The following PODXL2 variants were observed in gnomAD, a reference collection of about 807,000 sequenced individuals.
PODXL2 encodes the protein podocalyxin like 2.
In PODXL2, 17 loss-of-function variants were observed where a neutral mutation model predicts 53.4. The ratio of observed to expected loss-of-function variants is 0.32; its 90% CI spans 0.22 to 0.48. PODXL2 has a LOEUF of 0.48. Among genes scored for constraint, PODXL2 ranks in the 20% least tolerant of loss-of-function variants. The pLI, the probability that PODXL2 is intolerant of heterozygous loss-of-function variation, is 0.99. For missense variants in PODXL2, 673 were observed against 760.0 expected (o/e 0.89, Z 1.35); for synonymous variants, 311 against 306.7 (o/e 1.01, Z -0.15).
rs2040276166 is a variant in PODXL2, at chr3:127,660,429, G to T, written c.401G>T (p.Ser134Ile). ...AAGGCAGGTTCCATTGAAGACACCA[G>T]CCAGGCTCAAGAGCTGCCAAACCTC... Reference protein sequence around the residue: ...TEKAGSIEDTSQAQELPNLPS... With the variant: ...TEKAGSIEDTIQAQELPNLPS... Residue 134 changes from serine (S) to isoleucine (I), a missense_variant, in exon 3 of 8, where the codon AGC becomes ATC. Around this residue, in one of 3 missense-constraint regions of PODXL2, gnomAD observed 588 missense variants for 668.3 expected, o/e 0.88. Coordinates refer to ENST00000342480, the MANE Select transcript of PODXL2 (RefSeq NM_015720.4). 1 of 1,614,084 alleles carries T rather than the reference G, an allele frequency of 6.2e-7. No individual in the cohort carries two copies. Among genetic ancestry groups the T allele is most frequent in the Non-Finnish European group, 8.5e-7 (1 of 1,179,944 alleles).
chr3:127,660,707 G>C lies in PODXL2; in HGVS notation c.679G>C (p.Asp227His), dbSNP rs1224256504. ...ATKSRHEDSG[D>H]QASSGVEVES... ...CAAAAGCAGGCATGAAGACTCCGGG[G>C]ACCAGGCCTCATCAGGTGTGGAGGT... Residue 227 changes from aspartate (D) to histidine (H), a missense_variant, in exon 3 of 8, where the codon GAC becomes CAC. Coordinates refer to ENST00000342480, the MANE Select transcript of PODXL2 (RefSeq NM_015720.4). 7 of 1,614,186 alleles carry C rather than the reference G, an allele frequency of 4.3e-6. No individual in the cohort carries two copies. The highest frequency in any genetic ancestry group is 5.9e-6 in the Non-Finnish European group (7 of 1,180,030).
chr3:127,658,388 T>C (rs116350048), intron 2 of PODXL2, among the ~76,000 whole-genome samples: 1,573 of 151,702 alleles, frequency 0.01, 36 homozygotes, highest in African/African-American at 0.032. Context: ...TCCTCTCATG[T>C]TTCTTGATTT....
At chr3:127,665,411 C>G (rs1444548369) in intron 4 of PODXL2, among the ~76,000 whole-genome samples, 1 of 152,196 alleles carries the variant, frequency 6.6e-6, no homozygotes, top group Non-Finnish European at 1.5e-5. Flanking sequence ...TCCAGGAGTT[C>G]AGCCCTCAAG....
At chr3:127,633,949 A>G (rs1468040125) in intron 1 of PODXL2, among the ~76,000 whole-genome samples, 1 of 151,822 alleles carries the variant, frequency 6.6e-6, no homozygotes, top group South Asian at 2.1e-4. Flanking sequence ...AAGACCCAGA[A>G]GGCAAAAGAG....
chr3:127,669,850 T>C (rs749776279), intron 6 of PODXL2, among the ~76,000 whole-genome samples: 16 of 152,192 alleles, frequency 1.1e-4, no homozygotes, highest in Non-Finnish European at 2.1e-4. Context: ...GGTCCCCCAG[T>C]CCTGCTCCTC....
At chr3:127,672,135 CAGAAA>C (rs2074850171) in intron 7 of PODXL2, 128 bp from the exon 8 acceptor site, 1 of 654,320 alleles carries the variant, frequency 1.5e-6, no homozygotes, top group African/African-American at 1.8e-5. Flanking sequence ...GCTGCAGCAA[CAGAAA>C]AGAAGGATCT....
In PODXL2 at chr3:127,629,856, T is replaced by C. The variant is rs1188095313; in HGVS notation, c.70+567T>C. On this transcript the variant is annotated intron_variant, in intron 1 of 7. Coordinates refer to ENST00000342480, the MANE Select transcript of PODXL2 (RefSeq NM_015720.4). The surrounding 1 kb of genome is among the most constrained non-coding windows in gnomAD (Gnocchi z 6.4). The stretch of plus-strand genomic sequence containing the variant: ...TATTCTCTCCTGTTCTGGGCGACTC[T>C]ATTAGGAGCTGACAAAAACGGGCGT... Among the ~76,000 whole-genome samples, 1 of 152,030 alleles carries C rather than the reference T, an allele frequency of 6.6e-6. No individual in the cohort carries two copies. The highest frequency in any genetic ancestry group is 1.5e-5 in the Non-Finnish European group (1 of 68,014).
rs2074526755 is a variant in PODXL2, at chr3:127,629,386, G to C, written c.70+97G>C. ...GCCGCCAACAAAGGGGCCAGAGTGC[G>C]GCGCCGCCGGGAGCGCGCGTGTCCC... is the stretch of plus-strand genomic sequence containing the variant. On this transcript the variant is annotated intron_variant, in intron 1 of 7. Transcript: ENST00000342480. This position sits in a 1 kb window ranked among gnomAD's most constrained non-coding sequence, Gnocchi z 6.4. The C allele has an allele frequency of 2.2e-6, 2 of 920,814 alleles. No individual in the cohort carries two copies. The highest frequency in any genetic ancestry group is 1.8e-5 in the African/African-American group (1 of 55,724). The allele number at this position is 920,814 out of a possible 1,614,324, so 57.0% of individuals were successfully genotyped here.
chr3:127,629,314 C>G lies in PODXL2; in HGVS notation c.70+25C>G, dbSNP rs1364387794. 4 of 1,014,964 alleles carry G rather than the reference C, an allele frequency of 3.9e-6. No homozygotes were observed. In the African/African-American group the frequency reaches 7.0e-5, roughly 18 times the overall value. 62.9% of individuals were successfully genotyped at this position (1,014,964 alleles called of 1,614,324 possible). A position where few individuals can be genotyped will look rare whatever the true frequency, so the allele number is the denominator to read the frequency against. On this transcript the variant is annotated intron_variant, in intron 1 of 7. Coordinates refer to ENST00000342480, the MANE Select transcript of PODXL2 (RefSeq NM_015720.4). This position sits in a 1 kb window ranked among gnomAD's most constrained non-coding sequence, Gnocchi z 6.4. ...GGTGAGTGCGCTCCGGGCCCGAGCG[C>G]GGGAGGGCGGGCGGCGGCGTGGGCG...
intron 4 of PODXL2, among the ~76,000 whole-genome samples, chr3:127,665,493 G>A (rs2107544603): frequency 6.6e-6 from 1 of 152,240 alleles, no homozygotes; most frequent in Middle Eastern, 3.4e-3. Context: ...AGAAGAAACT[G>A]GAAAGAAGTC....
At chr3:127,636,589 C>G (rs2074579627) in intron 1 of PODXL2, among the ~76,000 whole-genome samples, 2 of 152,246 alleles carry the variant, frequency 1.3e-5, no homozygotes, top group Non-Finnish European at 2.9e-5. Context: ...GACACAGGCT[C>G]TGGGAACATG....
rs1303889558 is a variant in PODXL2, at chr3:127,668,534, A to G, written c.1300A>G (p.Ile434Val). Residue 434 changes from isoleucine to valine, a missense_variant, in exon 5 of 8, where the codon ATC becomes GTC. Around this residue, in one of 3 missense-constraint regions of PODXL2, gnomAD observed 588 missense variants for 668.3 expected, o/e 0.88. Transcript: ENST00000342480. The stretch of plus-strand genomic sequence containing the variant: ...CAGTGGCCACCATGGGGCCTGGCAC[A>G]TCTCTCTGAGCAAGCCCAGCGAGAA... The part of the protein sequence containing the change: ...HGSGHHGAWH[I>V]SLSKPSEKEQ... The G allele has an allele frequency of 1.3e-6, 2 of 1,581,428 alleles. No homozygotes were observed. Among genetic ancestry groups the G allele is most frequent in the African/African-American group, 2.7e-5 (2 of 74,426 alleles).
intron 1 of PODXL2, among the ~76,000 whole-genome samples, chr3:127,635,253 A>G (rs1295117281): frequency 6.6e-6 from 1 of 152,228 alleles, no homozygotes; most frequent in Non-Finnish European, 1.5e-5. Flanking sequence ...TCCCTGCCCT[A>G]CTAACCCTGT....
chr3:127,633,430 C>T (rs1229905345), intron 1 of PODXL2, among the ~76,000 whole-genome samples: 1 of 151,586 alleles, frequency 6.6e-6, no homozygotes, highest in Non-Finnish European at 1.5e-5. Flanking sequence ...CACTAGGCCT[C>T]AGTTATTTCA....
chr3:127,669,038 A>G, intron 5 of PODXL2, 103 bp from the exon 6 acceptor site: 1 of 685,836 alleles, frequency 1.5e-6, no homozygotes, highest in Non-Finnish European at 2.5e-6. Context: ...CCAGGAAGGG[A>G]GACAGAGGCT....
intron 1 of PODXL2, among the ~76,000 whole-genome samples, chr3:127,631,373 A>G (rs1025036033): frequency 1.3e-5 from 2 of 152,184 alleles, no homozygotes; most frequent in African/African-American, 4.8e-5. Context: ...GACTGATTTG[A>G]AAAGGTAAGA....
intron 1 of PODXL2, among the ~76,000 whole-genome samples, chr3:127,637,884 A>G (rs914358971): frequency 2.0e-5 from 3 of 152,216 alleles, no homozygotes; most frequent in Non-Finnish European, 2.9e-5. Flanking sequence ...ATTGGCACGT[A>G]TCAAGCTTAG....
rs1482134178 is a variant in PODXL2 at position 127,672,575 on chromosome 3, C to A, written c.*95C>A. ...GAGCCCGCACCAGCCCCGCGCCTAC[C>A]CGGGCCGCCCCCGCGGCCTGGCCCT... On this transcript the variant is annotated 3_prime_UTR_variant, in exon 8 of 8. Coordinates refer to ENST00000342480, the MANE Select transcript of PODXL2 (RefSeq NM_015720.4). 2 of 792,214 alleles carry A rather than the reference C, an allele frequency of 2.5e-6. No homozygotes were observed. Among genetic ancestry groups the A allele is most frequent in the East Asian group, 6.7e-5 (2 of 29,806 alleles). 49.1% of individuals were successfully genotyped at this position (792,214 alleles called of 1,614,324 possible).
intron 1 of PODXL2, among the ~76,000 whole-genome samples, chr3:127,637,320 T>C (rs1041988433): frequency 3.9e-5 from 6 of 152,250 alleles, no homozygotes; most frequent in African/African-American, 1.4e-4. Context: ...ATATTCTTAT[T>C]CACATCAACC....
Sources: gnomAD v4.1 joint callset for allele counts (sites outside exome capture counted in the v4.1 genomes callset) on GRCh38, gnomAD v4.1.1 for gene constraint, gnomAD v4.1.1 regional missense constraint, Gnocchi (gnomAD v3.1) non-coding constraint, MANE v1.5 for transcripts, NCBI Gene and HGNC (gene_info 2026-07-23, HGNC 2026-07-21) for gene names.